TGM3: variants seen among roughly 807,000 people sequenced by gnomAD.
TGM3 encodes protein-glutamine gamma-glutamyltransferase E.
Under a neutral mutation model 73.8 loss-of-function variants are expected in TGM3, and 52 were observed. The ratio of observed to expected loss-of-function variants is 0.70; its 90% CI spans 0.56 to 0.89. TGM3 has a LOEUF of 0.89. TGM3 is among the 40% of genes least tolerant of loss of function. The pLI is 0.00. For missense variants in TGM3, 928 were observed against 909.9 expected (o/e 1.02, Z -0.26); for synonymous variants, 372 against 354.9 (o/e 1.05, Z -0.54).
intron 11 of TGM3, among the ~76,000 whole-genome samples, chr20:2,337,008 A>G (rs2084354494): frequency 2.0e-5 from 3 of 152,136 alleles, no homozygotes. Context: ...TCCCAGCTGG[A>G]ATATTATCCT....
Position 2,332,304 on chromosome 20 carries a change from G to A in TGM3, c.1636G>A (p.Glu546Lys). The change falls in exon 10 of 13, where the codon GAG (glutamate) becomes AAG (lysine). Residue 546 changes from glutamate (E) to lysine (K), a missense_variant. By Grantham distance (56) the Glu-to-Lys change is moderately conservative. Transcript: ENST00000381458. The surrounding 1 kb of genome is among the most constrained non-coding windows in gnomAD (Gnocchi z 4.4). ...KDSATMSLDPEEEAEHPIKIS... is the reference protein window; with the variant it reads ...KDSATMSLDPKEEAEHPIKIS... ...CTCTGCCACAATGTCCCTGGACCCT[G>A]AGGAAGGTAACGCATCCCGCAGTTG... The A allele has an allele frequency of 1.3e-6, 2 of 1,590,674 alleles. No individual in the cohort carries two copies. Among genetic ancestry groups the A allele is most frequent in the Non-Finnish European group, 1.7e-6 (2 of 1,166,692 alleles).
At chr20:2,316,943 A>G in intron 5 of TGM3, 125 bp from the exon 6 acceptor site, 1 of 1,137,754 alleles carries the variant, frequency 8.8e-7, no homozygotes, top group Non-Finnish European at 1.3e-6. Context: ...AAGACAAAGA[A>G]AAGTTCAATC....
intron 11 of TGM3, 151 bp from the exon 12 acceptor site, chr20:2,339,703 T>C (rs1957800357): frequency 7.2e-6 from 7 of 978,716 alleles, no homozygotes; most frequent in Admixed American, 2.2e-5. Context: ...AGACACAATG[T>C]GCCTGGCACC....
At chr20:2,317,810 T>C (rs1176711854) in intron 7 of TGM3, among the ~76,000 whole-genome samples, 12 of 151,934 alleles carry the variant, frequency 7.9e-5, no homozygotes. Context: ...AATATACAAG[T>C]TGAAACTATT....
At position 2,317,115 on chromosome 20, in the gene TGM3, C is replaced by T. The variant is rs2084237840; in HGVS notation, c.717C>T (p.Gly239=). The T allele has an allele frequency of 1.2e-6, 2 of 1,613,980 alleles. No individual in the cohort carries two copies. The highest frequency in any genetic ancestry group is 1.7e-6 in the Non-Finnish European group (2 of 1,180,004). The stretch of plus-strand genomic sequence containing the variant: ...GTGTGCTTGCTGGGAATTGGAGCGG[C>T]ACTTACACCGGTGGCCGGGACCCAA... The part of the protein sequence containing the change: ...DNGVLAGNWS[G]TYTGGRDPRS... Residue 239 remains glycine (G), a synonymous_variant, in exon 6 of 13, where the codon GGC becomes GGT. Transcript: ENST00000381458.
chr20:2,326,010 A>G (rs1410966780), intron 8 of TGM3, 58 bp downstream of exon 8: 7 of 1,509,090 alleles, frequency 4.6e-6, no homozygotes, highest in Non-Finnish European at 5.4e-6. Flanking sequence ...ACAGCCATGG[A>G]CAGCAGCATA....
At position 2,300,235 on chromosome 20, in the gene TGM3, A is replaced by AG. The variant is rs1351701415; in HGVS notation, c.7+4165_7+4166insG. 4.0e-3 allele frequency among the ~76,000 whole-genome samples: 349 copies of AG among 87,630 alleles called. 2 individuals carry two copies. The highest frequency in any genetic ancestry group is 8.3e-3 in the Non-Finnish European group (293 of 35,426). 57.5% of individuals were successfully genotyped at this position (87,630 alleles called of 152,430 possible). ...AGAAAGAGAAGAAAGAAAGAAAGAA[A>AG]AAAAGAAAGAAAGAAAGAAAAGAGA... On this transcript the variant is annotated intron_variant, in intron 1 of 12. Transcript: ENST00000381458.
intron 3 of TGM3, 123 bp downstream of exon 3, chr20:2,310,540 C>G: frequency 6.8e-7 from 1 of 1,461,794 alleles, no homozygotes; most frequent in East Asian, 2.3e-5. Flanking sequence ...GTGGAAAGGG[C>G]GCAGAAGCTA....
intron 11 of TGM3, among the ~76,000 whole-genome samples, chr20:2,335,895 A>T (rs2084347984): frequency 6.6e-6 from 1 of 152,182 alleles, no homozygotes; most frequent in Non-Finnish European, 1.5e-5. Flanking sequence ...GCCCAGAGAG[A>T]AGGGAACAGC....
At chr20:2,314,935 T>A (rs905296859) in intron 5 of TGM3, among the ~76,000 whole-genome samples, 9 of 152,170 alleles carry the variant, frequency 5.9e-5, no homozygotes, top group African/African-American at 2.2e-4. Context: ...ATGATAAATA[T>A]CCGGGGTGCA....
rs180916668 is a variant in TGM3 at position 2,325,996 on chromosome 20, A to G, written c.1087+44A>G. On this transcript the variant is annotated intron_variant, in intron 8 of 12. Transcript: ENST00000381458. ...GTTCTGAGTCGTGAGCCTCACAGTTATTTACAGCCATGGACAGCAGCATAG... is the reference window on the plus strand; with the variant it reads ...GTTCTGAGTCGTGAGCCTCACAGTTGTTTACAGCCATGGACAGCAGCATAG... 3.9e-6 allele frequency: 6 copies of G among 1,545,880 alleles called. No homozygotes were observed. The East Asian group carries it at 1.2e-4, about 31-fold the overall frequency.
intron 7 of TGM3, among the ~76,000 whole-genome samples, chr20:2,319,913 A>T (rs1164462509): frequency 4.6e-5 from 7 of 152,320 alleles, no homozygotes; most frequent in African/African-American, 1.7e-4. Context: ...TCATATGTGA[A>T]ATATAAGGGT....
chr20:2,340,119 C>G, intron 12 of TGM3, 132 bp downstream of exon 12: 1 of 1,159,466 alleles, frequency 8.6e-7, no homozygotes, highest in South Asian at 1.5e-5. Flanking sequence ...TCTTGGAACT[C>G]TAGAATCTGC....
chr20:2,326,051 G>C (rs1417910674), intron 8 of TGM3, 99 bp downstream of exon 8: 1 of 1,177,944 alleles, frequency 8.5e-7, no homozygotes, highest in Non-Finnish European at 1.2e-6. Context: ...TCTCCCTCTG[G>C]AATGCATGAT....
intron 7 of TGM3, among the ~76,000 whole-genome samples, chr20:2,318,042 G>A (rs6082710): frequency 0.027 from 4,115 of 151,224 alleles, 107 homozygotes; most frequent in African/African-American, 0.064. Context: ...TTTTTGAGAT[G>A]GAGTTTCATT....
chr20:2,308,610 A>G (rs930957123), intron 1 of TGM3, among the ~76,000 whole-genome samples: 14 of 152,190 alleles, frequency 9.2e-5, no homozygotes, highest in African/African-American at 3.4e-4. Flanking sequence ...AGCTCTTGCC[A>G]GTGAGCATTT....
intron 7 of TGM3, among the ~76,000 whole-genome samples, chr20:2,322,304 T>C (rs928822708): frequency 1.3e-5 from 2 of 152,188 alleles, no homozygotes; most frequent in Non-Finnish European, 2.9e-5. Flanking sequence ...TATTGTTATT[T>C]ACAGAATTGG....
At chr20:2,323,898 G>A (rs1444481381) in intron 7 of TGM3, among the ~76,000 whole-genome samples, 2 of 152,012 alleles carry the variant, frequency 1.3e-5, no homozygotes, top group Admixed American at 6.5e-5. Flanking sequence ...GCTATTTATG[G>A]GCATGTTTTT....
At position 2,340,417 on chromosome 20, in the gene TGM3, T is replaced by C. The variant is rs2084374945; in HGVS notation, c.1935-17T>C. The stretch of plus-strand genomic sequence containing the variant: ...CGTGTGTCTCGTATCAACACTGATC[T>C]GTGCCCTCCCCATCAGCGTGCCGAC... On this transcript the variant is annotated splice_polypyrimidine_tract_variant and intron_variant, in intron 12 of 12. Transcript: ENST00000381458. The C allele has an allele frequency of 1.2e-6, 2 of 1,613,968 alleles. No homozygotes were observed. The highest frequency in any genetic ancestry group is 1.7e-6 in the Non-Finnish European group (2 of 1,179,928).
Sources: gnomAD v4.1 joint callset for allele counts (sites outside exome capture counted in the v4.1 genomes callset) on GRCh38, gnomAD v4.1.1 for gene constraint, Gnocchi (gnomAD v3.1) non-coding constraint, MANE v1.5 for transcripts, NCBI Gene and HGNC (gene_info 2026-07-23, HGNC 2026-07-21) for gene names.